ARHGAP44: variants seen among roughly 807,000 people sequenced by gnomAD.
ARHGAP44 encodes rho GTPase-activating protein 44.
In ARHGAP44, 43 loss-of-function variants were observed where a neutral mutation model predicts 106.8. That is an observed-to-expected ratio of 0.40 (90% CI 0.32 to 0.52). ARHGAP44 has a LOEUF of 0.52. ARHGAP44 is among the 20% of genes least tolerant of loss of function. ARHGAP44 has a pLI of 0.48. For synonymous variants in ARHGAP44, 439 were observed against 410.3 expected (o/e 1.07, Z -0.85); for missense variants, 866 against 1,050.5 (o/e 0.82, Z 2.43).
At chr17:12,983,189 C>T (rs185602810) in intron 19 of ARHGAP44, among the ~76,000 whole-genome samples, 40 of 144,974 alleles carry the variant, frequency 2.8e-4, no homozygotes, top group Admixed American at 1.1e-3. Flanking sequence ...GGCATGAACC[C>T]GGGAGGCGGA....
intron 19 of ARHGAP44, among the ~76,000 whole-genome samples, chr17:12,983,823 CA>C (rs1227572648): frequency 6.6e-6 from 1 of 151,848 alleles, no homozygotes; most frequent in South Asian, 2.1e-4. Context: ...AAAAAAACAA[CA>C]AAAAAACCCC....
chr17:12,959,100 C>T (rs1426762045), intron 16 of ARHGAP44: 1 of 606,318 alleles, frequency 1.6e-6, no homozygotes. Context: ...GTCAGTGTAG[C>T]CTTCTTAGCT....
intron 3 of ARHGAP44, among the ~76,000 whole-genome samples, chr17:12,899,220 A>C (rs550248032): frequency 3.4e-4 from 51 of 152,108 alleles, no homozygotes; most frequent in African/African-American, 1.2e-3. Context: ...CTGCCCACCT[A>C]GGCCTCCCAA....
chr17:12,931,502 A>T (rs1053021893), intron 7 of ARHGAP44, among the ~76,000 whole-genome samples: 5 of 149,534 alleles, frequency 3.3e-5, no homozygotes, highest in Non-Finnish European at 7.4e-5. Flanking sequence ...TTTTTTATTT[A>T]TTTATTTTTT....
At chr17:12,913,593 T>C (rs2037803772) in intron 4 of ARHGAP44, among the ~76,000 whole-genome samples, 2 of 152,298 alleles carry the variant, frequency 1.3e-5, no homozygotes, top group East Asian at 1.9e-4. Context: ...ATTAGAAATA[T>C]GGAATAAATA....
chr17:12,972,684 C>T (rs902704333), intron 16 of ARHGAP44, among the ~76,000 whole-genome samples: 3 of 147,696 alleles, frequency 2.0e-5, no homozygotes, highest in Non-Finnish European at 3.0e-5. Context: ...TTTTTTGAGA[C>T]GGAGTCTCAC....
intron 1 of ARHGAP44, among the ~76,000 whole-genome samples, chr17:12,891,621 A>C (rs1473938201): frequency 6.6e-6 from 1 of 152,198 alleles, no homozygotes; most frequent in Admixed American, 6.5e-5. Flanking sequence ...TCAAGTTTTC[A>C]ACATGTGAAC....
chr17:12,903,721 A>G (rs1027764716), intron 3 of ARHGAP44, among the ~76,000 whole-genome samples: 5 of 152,118 alleles, frequency 3.3e-5, no homozygotes, highest in African/African-American at 4.8e-5. Flanking sequence ...ACTGTACCCA[A>G]TGTGTAATCT....
intron 1 of ARHGAP44, among the ~76,000 whole-genome samples, chr17:12,868,591 T>TTTTATA (rs1278978418): frequency 4.2e-5 from 2 of 47,142 alleles, no homozygotes; most frequent in African/African-American, 1.3e-4. Context: ...TATATGCATT[T>TTTTATA]TATATATATA....
intron 1 of ARHGAP44, among the ~76,000 whole-genome samples, chr17:12,814,422 G>A (rs1447151860): frequency 6.6e-6 from 1 of 151,644 alleles, no homozygotes; most frequent in Non-Finnish European, 1.5e-5. Flanking sequence ...TGTATTTTTA[G>A]TAGAGACGGG....
intron 1 of ARHGAP44, among the ~76,000 whole-genome samples, chr17:12,793,313 A>G (rs963158790): frequency 3.3e-5 from 5 of 152,236 alleles, no homozygotes; most frequent in Non-Finnish European, 7.3e-5. Flanking sequence ...TATATGCACT[A>G]TGGCATATGT....
At chr17:12,978,568 AC>A (rs1189039273) in intron 18 of ARHGAP44, among the ~76,000 whole-genome samples, 12 of 151,738 alleles carry the variant, frequency 7.9e-5, no homozygotes, top group Admixed American at 2.0e-4. Context: ...AGTCTTTCTC[AC>A]CTCAGTGGAC....
chr17:12,898,885 G>A (rs1254480225), intron 3 of ARHGAP44, among the ~76,000 whole-genome samples: 3 of 152,188 alleles, frequency 2.0e-5, no homozygotes, highest in Admixed American at 6.5e-5. Flanking sequence ...AGTGATAAAC[G>A]TGTAAACTGG....
intron 1 of ARHGAP44, among the ~76,000 whole-genome samples, chr17:12,841,640 A>AC (rs2150830713): frequency 3.5e-5 from 5 of 140,854 alleles, no homozygotes; most frequent in African/African-American, 5.9e-5. Context: ...ACACACACAC[A>AC]AACAAACAAA....
At chr17:12,918,065 C>T (rs556320391) in intron 5 of ARHGAP44, among the ~76,000 whole-genome samples, 2 of 152,178 alleles carry the variant, frequency 1.3e-5, no homozygotes, top group Non-Finnish European at 2.9e-5. Context: ...GTCATCTCCT[C>T]GCTTGGAGCA....
At chr17:12,838,743 CT>C (rs2035310240) in intron 1 of ARHGAP44, among the ~76,000 whole-genome samples, 1 of 152,110 alleles carries the variant, frequency 6.6e-6, no homozygotes, top group Non-Finnish European at 1.5e-5. Context: ...GCGACCTTGG[CT>C]TACAGCAAAC....
intron 1 of ARHGAP44, among the ~76,000 whole-genome samples, chr17:12,814,690 C>A (rs566226344): frequency 6.6e-6 from 1 of 151,668 alleles, no homozygotes; most frequent in Non-Finnish European, 1.5e-5. Flanking sequence ...TATATTGCAC[C>A]CTCATATTAC....
At position 12,990,838 on chromosome 17, in the gene ARHGAP44, T is replaced by A. The variant is rs546228959; in HGVS notation, c.*667T>A. ...CACTGTGTGACTGAAAGCTCCTATA[T>A]CATTTTATATTTCTGAATCTATAAA... On this transcript the variant is annotated 3_prime_UTR_variant, in exon 21 of 21. Transcript: ENST00000379672. 1 of 152,366 alleles carries A rather than the reference T, an allele frequency of 6.6e-6. No individual in the cohort carries two copies. Among genetic ancestry groups the A allele is most frequent in the South Asian group, 2.1e-4 (1 of 4,834 alleles). 9.4% of individuals were successfully genotyped at this position (152,366 alleles called of 1,614,324 possible).
Position 12,855,773 on chromosome 17 carries a change from C to G in ARHGAP44, c.54-39167C>G, listed in dbSNP as rs559839216. On this transcript the variant is annotated intron_variant, in intron 1 of 20. Coordinates refer to ENST00000379672, the MANE Select transcript of ARHGAP44 (RefSeq NM_014859.6). ...CGATTAATGTTGAAGATTTGAGAAA[C>G]ACTTGTGTGATGAAGTGTCTAGCAG... is the stretch of plus-strand genomic sequence containing the variant. 7.6e-4 allele frequency among the ~76,000 whole-genome samples: 116 copies of G among 152,290 alleles called. No individual in the cohort carries two copies. The Middle Eastern group carries it at 0.01, about 13-fold the overall frequency.
Sources: allele counts gnomAD v4.1 joint callset (sites outside exome capture counted in the v4.1 genomes callset), GRCh38; gene constraint gnomAD v4.1.1; transcripts MANE v1.5; gene names NCBI Gene and HGNC (gene_info 2026-07-23, HGNC 2026-07-21).